The following LRRC4C variants were observed in gnomAD, a reference collection of about 807,000 sequenced individuals.
LRRC4C encodes the protein leucine rich repeat containing 4C, also known as leucine-rich repeat-containing protein 4C.
In LRRC4C, 5 loss-of-function variants were observed where a neutral mutation model predicts 33.6. The observed-to-expected ratio is 0.15, with a 90% CI of 0.08 to 0.31. The LOEUF (loss-of-function observed/expected upper bound fraction) is 0.31. LRRC4C is among the 10% of genes least tolerant of loss of function. The pLI is 1.00. For missense variants in LRRC4C, 560 were observed against 796.7 expected (o/e 0.70, Z 3.58); for synonymous variants, 329 against 302.0 (o/e 1.09, Z -0.93).
At chr11:40,969,761 A>T (rs893300803) in intron 1 of LRRC4C, among the ~76,000 whole-genome samples, 4 of 152,304 alleles carry the variant, frequency 2.6e-5, no homozygotes, top group East Asian at 3.9e-4. Context: ...TTATATAAAC[A>T]CAGAAATTAA....
At chr11:41,438,669 A>G (rs1955518100) in intron 1 of LRRC4C, among the ~76,000 whole-genome samples, 1 of 152,218 alleles carries the variant, frequency 6.6e-6, no homozygotes, top group South Asian at 2.1e-4. Context: ...CAATTAGCAT[A>G]CCACTGAAGG....
At chr11:40,382,522 CTTTA>C (rs965160877) in intron 3 of LRRC4C, among the ~76,000 whole-genome samples, 11 of 151,574 alleles carry the variant, frequency 7.3e-5, no homozygotes, top group Admixed American at 3.3e-4. Flanking sequence ...CTCCAACCCT[CTTTA>C]TTTATTATTA....
At chr11:40,229,771 G>T (rs1263083684) in intron 5 of LRRC4C, among the ~76,000 whole-genome samples, 1 of 152,120 alleles carries the variant, frequency 6.6e-6, no homozygotes, top group Non-Finnish European at 1.5e-5. Flanking sequence ...AGCCTGCAAG[G>T]GGGACTGGCT....
intron 1 of LRRC4C, among the ~76,000 whole-genome samples, chr11:41,314,409 C>T (rs1196954351): frequency 6.6e-6 from 1 of 152,080 alleles, no homozygotes; most frequent in Non-Finnish European, 1.5e-5. Context: ...TTGATAAGCA[C>T]AATTCAAGAT....
At position 41,292,487 on chromosome 11, in the gene LRRC4C, C is replaced by T. The variant is rs991483411; in HGVS notation, c.-496+166944G>A. On this transcript the variant is annotated intron_variant, in intron 1 of 6. Coordinates refer to ENST00000528697, the MANE Select transcript of LRRC4C (RefSeq NM_001258419.2). ...TGCCTCAGTGGATTCTGACATTACA[C>T]AGAATAATGTCAGGGGAGGTGGTAG... 2.0e-5 allele frequency among the ~76,000 whole-genome samples: 3 copies of T among 151,880 alleles called. 1 individual carries two copies. In the East Asian group the frequency reaches 5.8e-4, roughly 29 times the overall value.
chr11:40,991,923 T>C (rs1853600838), intron 1 of LRRC4C, among the ~76,000 whole-genome samples: 1 of 152,078 alleles, frequency 6.6e-6, no homozygotes, highest in South Asian at 2.1e-4. Context: ...CACCAACTGG[T>C]GCTGTGCAAC....
At chr11:40,273,867 G>T (rs1390355638) in intron 4 of LRRC4C, among the ~76,000 whole-genome samples, 1 of 152,144 alleles carries the variant, frequency 6.6e-6, no homozygotes. Context: ...TCTGATGTGG[G>T]TGTGGATGCT....
intron 2 of LRRC4C, among the ~76,000 whole-genome samples, chr11:40,877,439 G>A (rs1954959506): frequency 6.6e-6 from 1 of 152,070 alleles, no homozygotes; most frequent in Admixed American, 6.6e-5. Flanking sequence ...GTCAACATCA[G>A]CAGACTCATC....
Position 40,381,726 on chromosome 11 carries a change from C to CT in LRRC4C, c.-269-62006_-269-62005insA, listed in dbSNP as rs1379332953. The stretch of plus-strand genomic sequence containing the variant: ...TGCTGATGGCTCTCTCTTGGTGCTA[C>CT]CACTATATCATTGGCCAAGCATAAT... On this transcript the variant is annotated intron_variant, in intron 3 of 6. Transcript: ENST00000528697. Among the ~76,000 whole-genome samples the CT allele has an allele frequency of 2.6e-5, 4 of 151,918 alleles. No homozygotes were observed. In the East Asian group the frequency reaches 5.8e-4, roughly 22 times the overall value.
intron 6 of LRRC4C, 37 bp from the exon 7 acceptor site, chr11:40,116,371 T>G: frequency 6.6e-7 from 1 of 1,511,902 alleles, no homozygotes. Context: ...ATTATTAGAT[T>G]AGATTTATTC....
At chr11:40,645,891 C>A (rs1312454059) in intron 3 of LRRC4C, among the ~76,000 whole-genome samples, 1 of 152,124 alleles carries the variant, frequency 6.6e-6, no homozygotes, top group Non-Finnish European at 1.5e-5. Flanking sequence ...CGGGGGACAC[C>A]CTCACCCAAG....
chr11:40,307,169 C>A (rs913410988), intron 4 of LRRC4C, among the ~76,000 whole-genome samples: 1 of 152,072 alleles, frequency 6.6e-6, no homozygotes, highest in Non-Finnish European at 1.5e-5. Context: ...CCTCACCCCC[C>A]ATTATGACAA....
intron 3 of LRRC4C, among the ~76,000 whole-genome samples, chr11:40,569,728 A>C (rs1033743676): frequency 6.6e-6 from 1 of 152,150 alleles, no homozygotes. Context: ...GATCATTATG[A>C]GTTCAACATC....
At chr11:41,094,094 C>T (rs1225851576) in intron 1 of LRRC4C, among the ~76,000 whole-genome samples, 2 of 147,440 alleles carry the variant, frequency 1.4e-5, no homozygotes, top group African/African-American at 5.0e-5. Flanking sequence ...TCCAGCCTGG[C>T]GACAGAGCGA....
At chr11:40,767,095 TAAA>T (rs1949510446) in intron 2 of LRRC4C, among the ~76,000 whole-genome samples, 1 of 151,458 alleles carries the variant, frequency 6.6e-6, no homozygotes, top group Non-Finnish European at 1.5e-5. Context: ...ACTTCACCTA[TAAA>T]AACACACATA....
intron 1 of LRRC4C, among the ~76,000 whole-genome samples, chr11:40,945,306 C>A (rs1442686078): frequency 6.6e-6 from 1 of 152,018 alleles, no homozygotes; most frequent in Non-Finnish European, 1.5e-5. Flanking sequence ...AGGCTTGAGC[C>A]ACCGTGCCCG....
At chr11:40,962,723 C>G (rs10837534) in intron 1 of LRRC4C, among the ~76,000 whole-genome samples, 1 of 151,458 alleles carries the variant, frequency 6.6e-6, no homozygotes, top group Non-Finnish European at 1.5e-5. Context: ...ATAGAAAGAT[C>G]TACTTATGCT....
intron 1 of LRRC4C, among the ~76,000 whole-genome samples, chr11:41,236,549 G>A (rs549020535): frequency 2.0e-5 from 3 of 151,274 alleles, no homozygotes; most frequent in Non-Finnish European, 4.4e-5. Context: ...TATATACAGC[G>A]AAATGTATTC....
intron 2 of LRRC4C, among the ~76,000 whole-genome samples, chr11:40,774,527 T>A (rs1257952971): frequency 6.6e-6 from 1 of 152,158 alleles, no homozygotes; most frequent in East Asian, 1.9e-4. Context: ...GAGGAAATAC[T>A]TTCTAATCAT....
Sources: allele counts gnomAD v4.1 joint callset (sites outside exome capture counted in the v4.1 genomes callset), GRCh38; gene constraint gnomAD v4.1.1; transcripts MANE v1.5; gene names NCBI Gene and HGNC (gene_info 2026-07-23, HGNC 2026-07-21).